SSU72: variants seen among roughly 807,000 people sequenced by gnomAD.
The protein encoded by SSU72 is RNA polymerase II subunit A C-terminal domain phosphatase SSU72.
In SSU72, 12 loss-of-function variants were observed where a neutral mutation model predicts 22.7. The ratio of observed to expected loss-of-function variants is 0.53; its 90% CI spans 0.34 to 0.86. The LOEUF is 0.86. Ranked by LOEUF, SSU72 falls within the 40% of genes least tolerant of loss-of-function variation. The pLI, the probability that SSU72 is intolerant of heterozygous loss-of-function variation, is 0.02. For missense variants in SSU72, 151 were observed against 249.8 expected, an observed-to-expected ratio of 0.60 and a Z score of 2.67; for synonymous variants, 116 against 98.3, an observed-to-expected ratio of 1.18 and a Z score of -1.06.
chr1:1,561,110 A>T (rs950655145), intron 2 of SSU72: 4 of 152,072 alleles, frequency 2.6e-5, no homozygotes, highest in Admixed American at 2.0e-4. Context: ...TTTGAGACAG[A>T]GTCTCACTCT....
chr1:1,560,108 T>A (rs568340916), intron 2 of SSU72, among the ~76,000 whole-genome samples: 1 of 152,288 alleles, frequency 6.6e-6, no homozygotes, highest in South Asian at 2.1e-4. Context: ...CCTGCCTCGG[T>A]CTCCCAGTAT....
At chr1:1,562,596 G>A (rs1224282804) in intron 2 of SSU72, 3 of 152,314 alleles carry the variant, frequency 2.0e-5, no homozygotes, top group African/African-American at 7.2e-5. Context: ...AAGATGGGAA[G>A]ACCCAGCCCT....
intron 1 of SSU72, among the ~76,000 whole-genome samples, chr1:1,571,437 A>AAAG (rs1205387390): frequency 6.7e-6 from 1 of 149,914 alleles, no homozygotes; most frequent in African/African-American, 2.4e-5. Context: ...ACTTCAACAA[A>AAAG]AAAAAAAAAA....
intron 1 of SSU72, among the ~76,000 whole-genome samples, chr1:1,567,163 C>T (rs946501193): frequency 6.6e-6 from 1 of 152,212 alleles, no homozygotes; most frequent in African/African-American, 2.4e-5. Flanking sequence ...GCTCCACGCG[C>T]ACCTCCGAAG....
intron 1 of SSU72, among the ~76,000 whole-genome samples, 189 bp from the exon 2 acceptor site, chr1:1,565,105 CAAGGCAGGCGGATCATG>C (rs141720989): frequency 0.52 from 78,457 of 151,060 alleles, 24,806 homozygotes; most frequent in East Asian, 0.87. Flanking sequence ...TTTGGGAGGC[CAAGGCAGGCGGATCATG>C]AAGGCAGGCG....
At chr1:1,566,613 G>A (rs1409474969) in intron 1 of SSU72, among the ~76,000 whole-genome samples, 1 of 152,194 alleles carries the variant, frequency 6.6e-6, no homozygotes, top group African/African-American at 2.4e-5. Context: ...AGCAATTTGG[G>A]AGGCCGAGGT....
chr1:1,545,890 T>C (rs1642383224), intron 2 of SSU72: 1 of 152,390 alleles, frequency 6.6e-6, no homozygotes, highest in East Asian at 1.9e-4. Context: ...TCACTGACTA[T>C]GGGATGGTGG....
chr1:1,569,785 G>GAGCC (rs1642706843), intron 1 of SSU72, among the ~76,000 whole-genome samples: 1 of 152,178 alleles, frequency 6.6e-6, no homozygotes, highest in Non-Finnish European at 1.5e-5. Context: ...ATAGGCCGAA[G>GAGCC]AGCCACCTTG....
intron 1 of SSU72, among the ~76,000 whole-genome samples, chr1:1,566,022 C>T (rs1016486048): frequency 2.6e-5 from 4 of 151,804 alleles, no homozygotes; most frequent in African/African-American, 9.7e-5. Flanking sequence ...TTTGGGAGGC[C>T]GAGACAAATG....
In SSU72 at chr1:1,542,674, G is replaced by T. The variant is rs939762150; in HGVS notation, c.484-507C>A. Among the ~76,000 whole-genome samples the T allele has an allele frequency of 6.6e-6, 1 of 152,054 alleles. No homozygotes were observed. The highest frequency in any genetic ancestry group is 1.5e-5 in the Non-Finnish European group (1 of 68,022). ...CAGCTCGTTACTCGCCATCTCCACT[G>T]TCCCCTGGTCCCCAGCCTTGGCCAG... On this transcript the variant is annotated intron_variant, in intron 4 of 4. Transcript: ENST00000291386. The surrounding 1 kb of genome is among the most constrained non-coding windows in gnomAD (Gnocchi z 4.4).
At chr1:1,557,074 A>G (rs1642530558) in intron 2 of SSU72, among the ~76,000 whole-genome samples, 1 of 152,224 alleles carries the variant, frequency 6.6e-6, no homozygotes, top group Non-Finnish European at 1.5e-5. Flanking sequence ...TGGCTTAGGA[A>G]CACATTCATT....
At chr1:1,561,084 CTTCCTTT>C (rs2100716368) in intron 2 of SSU72, 1 of 152,218 alleles carries the variant, frequency 6.6e-6, no homozygotes, top group South Asian at 2.1e-4. Context: ...TCACACTGTC[CTTCCTTT>C]TTTATTTTTT....
intron 2 of SSU72, among the ~76,000 whole-genome samples, chr1:1,547,810 C>T (rs1231762569): frequency 3.3e-5 from 5 of 152,180 alleles, no homozygotes; most frequent in Admixed American, 1.3e-4. Context: ...GAAGGAAGAA[C>T]CTAAGTACTG....
intron 2 of SSU72, among the ~76,000 whole-genome samples, chr1:1,553,385 A>C (rs147586713): frequency 2.3e-3 from 357 of 152,276 alleles, no homozygotes; most frequent in African/African-American, 8.1e-3. Flanking sequence ...TTCGGAATAC[A>C]ACCTTTTAAG....
chr1:1,547,130 G>A (rs535442228), intron 2 of SSU72, among the ~76,000 whole-genome samples: 6 of 152,224 alleles, frequency 3.9e-5, no homozygotes, highest in Middle Eastern at 3.4e-3. Context: ...GAGAGGAACC[G>A]GGGTCAGGGT....
At position 1,542,035 on chromosome 1, in the gene SSU72, C is replaced by T. The variant is rs1339822121; in HGVS notation, c.*31G>A. 2 of 1,551,354 alleles carry T rather than the reference C, an allele frequency of 1.3e-6. No homozygotes were observed. The highest frequency in any genetic ancestry group is 1.7e-6 in the Non-Finnish European group (2 of 1,144,962). On this transcript the variant is annotated 3_prime_UTR_variant, in exon 5 of 5. Coordinates refer to ENST00000291386, the MANE Select transcript of SSU72 (RefSeq NM_014188.3). The surrounding 1 kb of genome is among the most constrained non-coding windows in gnomAD (Gnocchi z 4.4). ...AGGAAAAAGTATGAACAACAGGAAG[C>T]TCCAGAGGCGGCTCCATGCGGGCGC...
chr1:1,572,614 G>A (rs1253242408), intron 1 of SSU72, among the ~76,000 whole-genome samples: 8 of 149,918 alleles, frequency 5.3e-5, no homozygotes, highest in East Asian at 2.1e-4. Context: ...CCGCCACCAC[G>A]CCCGGCTAAT....
intron 1 of SSU72, among the ~76,000 whole-genome samples, chr1:1,569,034 C>T (rs570980037): frequency 6.6e-6 from 1 of 152,210 alleles, no homozygotes; most frequent in East Asian, 1.9e-4. Flanking sequence ...ATTAGCTGGA[C>T]ATGGTGGTGC....
intron 3 of SSU72, 128 bp downstream of exon 3, chr1:1,544,735 C>T (rs534182678): frequency 2.0e-5 from 28 of 1,376,080 alleles, no homozygotes; most frequent in Middle Eastern, 1.8e-4. Flanking sequence ...GGGTGCTTCA[C>T]ACTCAGGTCT....
Sources: allele counts gnomAD v4.1 joint callset (sites outside exome capture counted in the v4.1 genomes callset), GRCh38; gene constraint gnomAD v4.1.1; non-coding constraint Gnocchi (gnomAD v3.1); transcripts MANE v1.5; gene names NCBI Gene and HGNC (gene_info 2026-07-23, HGNC 2026-07-21).